Variants in SLC16A3 observed in about 807,000 individuals in gnomAD.
SLC16A3 encodes the protein solute carrier family 16 member 3.
Under a neutral mutation model 25.0 loss-of-function variants are expected in SLC16A3, and 22 were observed. The observed-to-expected ratio is 0.88, with a 90% CI of 0.63 to 1.26. The LOEUF (loss-of-function observed/expected upper bound fraction) is 1.26. Ranked by LOEUF, SLC16A3 falls within the 50% of genes most tolerant of loss-of-function variation. The pLI, the probability that SLC16A3 is intolerant of heterozygous loss-of-function variation, is 0.00. For synonymous variants in SLC16A3, 390 were observed against 309.2 expected (o/e 1.26, Z -2.74); for missense variants, 731 against 666.6 (o/e 1.10, Z -1.06).
At chr17:82,237,973 C>T (rs551405625) in intron 4 of SLC16A3, 80 bp downstream of exon 4, 4 of 1,487,370 alleles carry the variant, frequency 2.7e-6, no homozygotes, top group African/African-American at 2.8e-5. Context: ...GGGACGCGCA[C>T]CCCTCGGCAG....
At chr17:82,238,036 C>A in intron 4 of SLC16A3, 143 bp downstream of exon 4, 1 of 967,372 alleles carries the variant, frequency 1.0e-6, no homozygotes, top group Non-Finnish European at 1.5e-6. Flanking sequence ...GCTGGACCAA[C>A]CCTGATTCTG....
chr17:82,234,379 T>G (rs948854646), intron 1 of SLC16A3: 5 of 152,328 alleles, frequency 3.3e-5, no homozygotes, highest in Non-Finnish European at 5.9e-5. Flanking sequence ...CCAGAAATGG[T>G]TCCGAGGCCT....
intron 4 of SLC16A3, 68 bp from the exon 5 acceptor site, chr17:82,238,634 T>C (rs2050680049): frequency 4.0e-6 from 6 of 1,483,822 alleles, no homozygotes; most frequent in Non-Finnish European, 4.5e-6. Context: ...AGACACAGGC[T>C]TGGGTGGAGC....
chr17:82,222,834 C>T (rs1353616381), intron 1 of SLC16A3, among the ~76,000 whole-genome samples: 2 of 149,668 alleles, frequency 1.3e-5, no homozygotes, highest in African/African-American at 4.9e-5. Context: ...GAATGAAGCA[C>T]TGATAGACCC....
At chr17:82,236,971 G>A in intron 3 of SLC16A3, 99 bp downstream of exon 3, 2 of 1,521,970 alleles carry the variant, frequency 1.3e-6, no homozygotes, top group Admixed American at 1.9e-5. Context: ...CAGGGCGGGT[G>A]GCTGCGGGGT....
chr17:82,236,331 C>A, intron 2 of SLC16A3, 100 bp downstream of exon 2: 1 of 1,088,750 alleles, frequency 9.2e-7, no homozygotes, highest in Non-Finnish European at 1.4e-6. Flanking sequence ...TCCGCCTGCT[C>A]CCCAGGGAAC....
At chr17:82,229,799 G>GACCCTC (rs1482959442) in intron 1 of SLC16A3, 1 of 152,322 alleles carries the variant, frequency 6.6e-6, no homozygotes, top group Non-Finnish European at 1.5e-5. Flanking sequence ...AAGTGGGTTG[G>GACCCTC]TCAGGAGCCT....
chr17:82,235,829 C>T (rs1467866684), intron 1 of SLC16A3, 154 bp from the exon 2 acceptor site: 2 of 612,882 alleles, frequency 3.3e-6, no homozygotes, highest in Admixed American at 2.8e-5. Flanking sequence ...CCTCCTGCCT[C>T]CACCAGACAC....
chr17:82,223,011 G>A (rs1315250009), intron 1 of SLC16A3, among the ~76,000 whole-genome samples: 5 of 152,116 alleles, frequency 3.3e-5, no homozygotes, highest in African/African-American at 1.2e-4. Flanking sequence ...GCTGTGGGAA[G>A]GAGGATGGGG....
chr17:82,236,248 A>G lies in SLC16A3; in HGVS notation c.223+17A>G, dbSNP rs1255620200. On this transcript the variant is annotated intron_variant, in intron 2 of 4. Transcript: ENST00000582743. ...ACGGGACAGGTGAGGGTGGCCTCACACCGGGCCCCCTGTCCGGGGCTCTGC... is the reference window on the plus strand; with the variant it reads ...ACGGGACAGGTGAGGGTGGCCTCACGCCGGGCCCCCTGTCCGGGGCTCTGC... 1.9e-6 allele frequency: 3 copies of G among 1,604,036 alleles called. No homozygotes were observed. The African/African-American group carries it at 4.0e-5, about 21-fold the overall frequency.
chr17:82,222,055 C>T lies in SLC16A3; in HGVS notation c.-27+3871C>T, dbSNP rs111585040. On this transcript the variant is annotated intron_variant, in intron 1 of 4. Coordinates refer to the SLC16A3 transcript ENST00000580098. Reference sequence around the variant, plus strand: ...GGACCCCCAACTCCGCTCCCACGTTCGTGGACAGGAGCCTCGCCCTGGGAC... The same window carrying T: ...GGACCCCCAACTCCGCTCCCACGTTTGTGGACAGGAGCCTCGCCCTGGGAC... 1.5e-3 allele frequency among the ~76,000 whole-genome samples: 231 copies of T among 150,092 alleles called. 4 individuals are homozygous for T. Among genetic ancestry groups the T allele is most frequent in the African/African-American group, 5.3e-3 (212 of 39,676 alleles).
chr17:82,226,859 T>C (rs919268697), upstream of SLC16A3, among the ~76,000 whole-genome samples: 1 of 152,126 alleles, frequency 6.6e-6, no homozygotes, highest in African/African-American at 2.4e-5. Context: ...CCAAGTGGCC[T>C]GCTTGATAGC....
At chr17:82,218,845 C>T (rs1164357626) in intron 1 of SLC16A3, among the ~76,000 whole-genome samples, 2 of 152,178 alleles carry the variant, frequency 1.3e-5, no homozygotes, top group Non-Finnish European at 2.9e-5. Flanking sequence ...GCATCTGTTC[C>T]ATCCAGGCGC....
rs746614304 is a variant in SLC16A3 at position 82,238,987 on chromosome 17, G to A, written c.*11G>A. On this transcript the variant is annotated 3_prime_UTR_variant, in exon 5 of 5. Coordinates refer to ENST00000582743, the MANE Select transcript of SLC16A3 (RefSeq NM_004207.4). ...GAAACAAGTGTCTGAGTGGCTGGGCGGGGCCGGCAGGCACAGGGAGGAGGT... is the reference window on the plus strand; with the variant it reads ...GAAACAAGTGTCTGAGTGGCTGGGCAGGGCCGGCAGGCACAGGGAGGAGGT... 16 of 1,507,612 alleles carry A rather than the reference G, an allele frequency of 1.1e-5. No homozygotes were observed. In the Middle Eastern group the frequency reaches 5.4e-4, roughly 51 times the overall value. The allele number at this position is 1,507,612 out of a possible 1,614,324, so 93.4% of individuals were successfully genotyped here. A position where few individuals can be genotyped will look rare whatever the true frequency, so the allele number is the denominator to read the frequency against.
At position 82,238,930 on chromosome 17, in the gene SLC16A3, C is replaced by T. The variant is rs1425348536; in HGVS notation, c.1352C>T (p.Pro451Leu). ...GTGGAGCATTTCCTGAAGGCTGAGC[C>T]TGAGAAAAACGGGGAGGTGGTTCAC... ...REVEHFLKAE[P>L]EKNGEVVHTP... Residue 451 changes from proline (P) to leucine (L), a missense_variant, in exon 5 of 5, where the codon CCT becomes CTT. Coordinates refer to ENST00000582743, the MANE Select transcript of SLC16A3 (RefSeq NM_004207.4). The T allele has an allele frequency of 1.3e-6, 2 of 1,570,398 alleles. No homozygotes were observed.
In SLC16A3 at chr17:82,236,019, C is replaced by T; in HGVS notation, c.11C>T (p.Ala4Val). The change falls in exon 2 of 5, where the codon GCC becomes GTC. Residue 4 changes from alanine to valine, a missense_variant. Transcript: ENST00000582743. ...CCAACCCTCCTGGCCATGGGAGGGG[C>T]CGTGGTGGACGAGGGCCCCACAGGC... MGG[A>V]VVDEGPTGVK... is the part of the protein sequence containing the mutation. The T allele has an allele frequency of 1.2e-6, 2 of 1,611,434 alleles. No homozygotes were observed. The highest frequency in any genetic ancestry group is 1.3e-5 in the African/African-American group (1 of 75,052).
At chr17:82,234,482 C>CA (rs2050563210) in intron 1 of SLC16A3, 1 of 152,294 alleles carries the variant, frequency 6.6e-6, no homozygotes, top group African/African-American at 2.4e-5. Context: ...GCCTTGTCAT[C>CA]ATCCAGACAG....
intron 1 of SLC16A3, chr17:82,235,711 G>C (rs2147126872): frequency 2.0e-6 from 1 of 500,024 alleles, no homozygotes; most frequent in East Asian, 3.6e-5. Flanking sequence ...GAGGTAATCT[G>C]AGTCCTGGCC....
At chr17:82,224,830 C>A (rs1317960420), upstream of SLC16A3, among the ~76,000 whole-genome samples, 1 of 152,170 alleles carries the variant, frequency 6.6e-6, no homozygotes, top group Non-Finnish European at 1.5e-5. Flanking sequence ...ATAACCGGCC[C>A]TCTCATAACC....
Sources: allele counts gnomAD v4.1 joint callset (sites outside exome capture counted in the v4.1 genomes callset), GRCh38; gene constraint gnomAD v4.1.1; transcripts MANE v1.5; gene names NCBI Gene and HGNC (gene_info 2026-07-23, HGNC 2026-07-21).